Variants in RABGAP1L observed in about 807,000 individuals in gnomAD.
The protein encoded by RABGAP1L is RAB GTPase activating protein 1 like, also known as rab GTPase-activating protein 1-like.
Under a neutral mutation model 137.7 loss-of-function variants are expected in RABGAP1L, and 63 were observed. That is an observed-to-expected ratio of 0.46 (90% CI 0.37 to 0.56). The LOEUF (loss-of-function observed/expected upper bound fraction) is 0.56, where lower values mean the gene tolerates loss of function less well. Ranked by LOEUF, RABGAP1L falls within the 20% of genes least tolerant of loss-of-function variation. RABGAP1L has a pLI of 0.00. For synonymous variants in RABGAP1L, 431 were observed against 433.7 expected (o/e 0.99, Z 0.08); for missense variants, 1,095 against 1,244.0 (o/e 0.88, Z 1.80).
rs895466169 is a variant in RABGAP1L at position 174,983,054 on chromosome 1, T to A, written c.2805+149T>A. The A allele has an allele frequency of 7.4e-6, 6 of 809,828 alleles. No homozygotes were observed. In the African/African-American group the frequency reaches 1.0e-4, roughly 14 times the overall value. 50.2% of individuals were successfully genotyped at this position (809,828 alleles called of 1,614,324 possible). A position where few individuals can be genotyped will look rare whatever the true frequency, so the allele number is the denominator to read the frequency against. On this transcript the variant is annotated intron_variant, in intron 24 of 25. Transcript: ENST00000681986. ...CTAGGATACCTCTCTTCTGACCAGG[T>A]GTGATTGTCTTCCCTACCAGGTGAA...
intron 3 of RABGAP1L, among the ~76,000 whole-genome samples, chr1:174,223,096 C>T (rs541883274): frequency 5.9e-5 from 9 of 151,630 alleles, no homozygotes; most frequent in Middle Eastern, 3.4e-3. Flanking sequence ...AGTGAAACCC[C>T]GTCTCTACTA....
chr1:174,898,965 A>G lies in RABGAP1L; in HGVS notation c.2341-58492A>G, dbSNP rs532955205. Among the ~76,000 whole-genome samples, 12 of 152,300 alleles carry G rather than the reference A, an allele frequency of 7.9e-5. 1 individual carries two copies. In the South Asian group the frequency reaches 2.5e-3, roughly 32 times the overall value. On this transcript the variant is annotated intron_variant, in intron 19 of 25. Coordinates refer to ENST00000681986, the MANE Select transcript of RABGAP1L (RefSeq NM_001366446.1). ...GAGTTTTTTAAAGAGAGGTAGTGCTAAATCCTCTGGGAACATCCTCTGATC... is the reference window on the plus strand; with the variant it reads ...GAGTTTTTTAAAGAGAGGTAGTGCTGAATCCTCTGGGAACATCCTCTGATC...
chr1:174,462,774 C>T (rs932913012), intron 13 of RABGAP1L, among the ~76,000 whole-genome samples: 2 of 152,138 alleles, frequency 1.3e-5, no homozygotes, highest in Non-Finnish European at 2.9e-5. Context: ...TAAGTGAAAA[C>T]ATGTGATGTT....
chr1:174,533,311 T>A (rs932054612), intron 13 of RABGAP1L, among the ~76,000 whole-genome samples: 4 of 152,220 alleles, frequency 2.6e-5, no homozygotes, highest in African/African-American at 9.6e-5. Flanking sequence ...CGTCTTTGTC[T>A]GAAGGTAACC....
In RABGAP1L at chr1:174,700,998, C is replaced by A. The variant is rs1229297228; in HGVS notation, c.2026-1115C>A. On this transcript the variant is annotated intron_variant, in intron 16 of 25. Coordinates refer to ENST00000681986, the MANE Select transcript of RABGAP1L (RefSeq NM_001366446.1). ...TCAGTTAACTGAATGAGCATTTGGA[C>A]GTTCCATTTGAAGTACCTAATGGGC... 4.2e-6 allele frequency: 5 copies of A among 1,200,784 alleles called. No individual in the cohort carries two copies. The East Asian group carries it at 2.9e-4, about 69-fold the overall frequency. The allele number at this position is 1,200,784 out of a possible 1,614,324, so 74.4% of individuals were successfully genotyped here. A position where few individuals can be genotyped will look rare whatever the true frequency, so the allele number is the denominator to read the frequency against.
chr1:174,908,895 C>T (rs531496027), intron 19 of RABGAP1L, among the ~76,000 whole-genome samples: 11 of 149,394 alleles, frequency 7.4e-5, no homozygotes, highest in South Asian at 2.2e-4. Flanking sequence ...AAAAAGGGGC[C>T]GGGCACAGTG....
At chr1:174,321,107 G>A (rs565317531) in intron 11 of RABGAP1L, among the ~76,000 whole-genome samples, 60 of 152,232 alleles carry the variant, frequency 3.9e-4, no homozygotes, top group Non-Finnish European at 6.2e-4. Flanking sequence ...TATGGTTGTT[G>A]ATAAGGGATA....
intron 19 of RABGAP1L, among the ~76,000 whole-genome samples, chr1:174,873,133 A>G (rs556948235): frequency 3.3e-5 from 5 of 152,050 alleles, no homozygotes; most frequent in African/African-American, 9.6e-5. Flanking sequence ...CAGTGGTGCA[A>G]TCTCGGCTCA....
chr1:174,305,724 C>CT (rs201004866), intron 11 of RABGAP1L, among the ~76,000 whole-genome samples: 4 of 151,028 alleles, frequency 2.6e-5, no homozygotes, highest in African/African-American at 9.7e-5. Context: ...TAATTATAGC[C>CT]TTTTTTTTCT....
intron 11 of RABGAP1L, among the ~76,000 whole-genome samples, chr1:174,363,772 T>C (rs1684340698): frequency 6.6e-6 from 1 of 152,094 alleles, no homozygotes; most frequent in Non-Finnish European, 1.5e-5. Context: ...ATGAAGTTTA[T>C]TGAGTGCTTT....
At chr1:174,825,245 A>G (rs1691446097) in intron 19 of RABGAP1L, among the ~76,000 whole-genome samples, 1 of 152,220 alleles carries the variant, frequency 6.6e-6, no homozygotes, top group South Asian at 2.1e-4. Flanking sequence ...TACAAACGAC[A>G]TAAAGAGGTG....
intron 19 of RABGAP1L, among the ~76,000 whole-genome samples, chr1:174,911,972 G>T (rs747373381): frequency 1.1e-4 from 16 of 152,094 alleles, no homozygotes; most frequent in Non-Finnish European, 1.9e-4. Flanking sequence ...CACATCTATT[G>T]CCCTGTTAAA....
At chr1:174,436,891 C>T (rs1229991266) in intron 13 of RABGAP1L, among the ~76,000 whole-genome samples, 1 of 152,180 alleles carries the variant, frequency 6.6e-6, no homozygotes, top group Non-Finnish European at 1.5e-5. Context: ...AACGATCAGG[C>T]AGCAGCATTT....
intron 19 of RABGAP1L, among the ~76,000 whole-genome samples, chr1:174,816,425 C>A (rs1263589837): frequency 6.6e-6 from 1 of 152,046 alleles, no homozygotes; most frequent in Non-Finnish European, 1.5e-5. Flanking sequence ...GGATTACAGG[C>A]GTGAGCCACC....
intron 21 of RABGAP1L, among the ~76,000 whole-genome samples, chr1:174,970,665 C>T (rs1670053628): frequency 6.6e-6 from 1 of 151,930 alleles, no homozygotes; most frequent in South Asian, 2.1e-4. Flanking sequence ...TTTTAATCCT[C>T]CATTTCATGA....
chr1:174,548,009 A>C (rs1309937998), intron 13 of RABGAP1L: 2 of 1,550,558 alleles, frequency 1.3e-6, no homozygotes, highest in East Asian at 4.9e-5. Flanking sequence ...GAATTGTACA[A>C]ATATGTCCTA....
intron 13 of RABGAP1L, among the ~76,000 whole-genome samples, chr1:174,561,050 C>T (rs1667178190): frequency 3.3e-5 from 5 of 152,126 alleles, no homozygotes; most frequent in Admixed American, 3.3e-4. Flanking sequence ...TCAAATCTGG[C>T]CTGCCTTGTG....
At chr1:174,841,966 C>T (rs1052884091) in intron 19 of RABGAP1L, among the ~76,000 whole-genome samples, 1 of 151,688 alleles carries the variant, frequency 6.6e-6, no homozygotes, top group Non-Finnish European at 1.5e-5. Context: ...AGAAATAGCA[C>T]TAGTGACTCA....
intron 12 of RABGAP1L, among the ~76,000 whole-genome samples, chr1:174,377,464 C>G (rs1477783449): frequency 6.6e-6 from 1 of 152,152 alleles, no homozygotes; most frequent in East Asian, 1.9e-4. Context: ...TGTAGCACTA[C>G]AGTAGTCAAA....
Sources: allele counts gnomAD v4.1 joint callset (sites outside exome capture counted in the v4.1 genomes callset), GRCh38; gene constraint gnomAD v4.1.1; transcripts MANE v1.5; gene names NCBI Gene and HGNC (gene_info 2026-07-23, HGNC 2026-07-21).